Variants in ACSS1 observed in about 807,000 individuals in gnomAD.
ACSS1 encodes acetyl-coenzyme A synthetase 2-like, mitochondrial.
In ACSS1, 42 loss-of-function variants were observed where a neutral mutation model predicts 75.3. That is an observed-to-expected ratio of 0.56 (90% CI 0.44 to 0.72). ACSS1 has a LOEUF of 0.72. ACSS1 is among the 30% of genes least tolerant of loss of function. The pLI is 0.00. For synonymous variants in ACSS1, 380 were observed against 376.8 expected (o/e 1.01, Z -0.10); for missense variants, 782 against 935.7 (o/e 0.84, Z 2.14).
chr20:25,032,414 T>C, intron 2 of ACSS1: 1 of 1,403,728 alleles, frequency 7.1e-7, no homozygotes, highest in Non-Finnish European at 9.3e-7. Flanking sequence ...ATCCCAAGGT[T>C]GTCTTTCCTT....
In ACSS1 at chr20:25,009,358, C is replaced by A; in HGVS notation, c.1802G>T (p.Ser601Ile). The A allele has an allele frequency of 6.2e-7, 1 of 1,614,176 alleles. No individual in the cohort carries two copies. Among genetic ancestry groups the A allele is most frequent in the Non-Finnish European group, 8.5e-7 (1 of 1,180,030 alleles). The change falls in exon 13 of 14, where the codon AGT becomes ATT. Residue 601 changes from serine to isoleucine, a missense_variant. Physicochemically the swap from Ser to Ile is moderately radical, Grantham distance 142 (BLOSUM62 -2). Transcript: ENST00000323482. ...AAFAFIVVKD[S>I]AGDSDVVVQE... is the part of the protein sequence containing the mutation. ...CACCACCACATCTGAGTCACCCGCA[C>A]TATCTTTCACCACAATGAAGGCAAA...
intron 3 of ACSS1, among the ~76,000 whole-genome samples, chr20:25,024,924 T>A (rs1387941695): frequency 6.6e-6 from 1 of 152,144 alleles, no homozygotes; most frequent in Non-Finnish European, 1.5e-5. Flanking sequence ...GAGCCGTGGC[T>A]ACACACACTC....
chr20:25,019,477 A>C (rs2088578297), intron 7 of ACSS1, among the ~76,000 whole-genome samples: 1 of 152,230 alleles, frequency 6.6e-6, no homozygotes, highest in Non-Finnish European at 1.5e-5. Context: ...GACAATCAAA[A>C]GGTCCAACTA....
chr20:25,034,860 C>A (rs1212598002), intron 2 of ACSS1, among the ~76,000 whole-genome samples: 1 of 151,726 alleles, frequency 6.6e-6, no homozygotes, highest in African/African-American at 2.4e-5. Flanking sequence ...GAGCTATCAC[C>A]ACGCCAGGCC....
chr20:25,046,409 G>A (rs900564732), intron 2 of ACSS1: 7 of 210,984 alleles, frequency 3.3e-5, no homozygotes, highest in Middle Eastern at 1.7e-3. Context: ...CTCACAGACC[G>A]AACCGCTACT....
intron 13 of ACSS1, among the ~76,000 whole-genome samples, chr20:25,008,981 G>C (rs183150437): frequency 1.9e-4 from 29 of 152,256 alleles, no homozygotes; most frequent in African/African-American, 6.5e-4. Context: ...AGACATGTGA[G>C]CTTACTGAGC....
intron 2 of ACSS1, among the ~76,000 whole-genome samples, chr20:25,045,409 G>A (rs968743853): frequency 2.0e-5 from 3 of 152,202 alleles, no homozygotes; most frequent in African/African-American, 4.8e-5. Flanking sequence ...CTGACCCAGC[G>A]TCACCTGTGC....
intron 2 of ACSS1, among the ~76,000 whole-genome samples, chr20:25,043,868 G>A (rs2089043767): frequency 6.6e-6 from 1 of 152,216 alleles, no homozygotes; most frequent in South Asian, 2.1e-4. Flanking sequence ...AGAGGGATGG[G>A]TCCAAGGCCA....
intron 1 of ACSS1, among the ~76,000 whole-genome samples, chr20:25,054,538 T>C (rs959744964): frequency 2.0e-5 from 3 of 152,248 alleles, no homozygotes; most frequent in Admixed American, 6.5e-5. Context: ...GGAAGATGCC[T>C]GATAACATCT....
chr20:25,021,488 T>C lies in ACSS1; in HGVS notation c.1009A>G (p.Ile337Val), dbSNP rs1429640789. 3 of 1,614,092 alleles carry C rather than the reference T, an allele frequency of 1.9e-6. No homozygotes were observed. Among genetic ancestry groups the C allele is most frequent in the Non-Finnish European group, 2.5e-6 (3 of 1,180,034 alleles). ...TAGCTGTGTCCTGTAATCCAACCGA[T>C]GTCGGCCACACAGCCAAAGATGTCA... ...PGDIFGCVADIGWITGHSYVV... is the reference protein window; with the variant it reads ...PGDIFGCVADVGWITGHSYVV... The change falls in exon 6 of 14, where the codon ATC (isoleucine) becomes GTC (valine). Residue 337 changes from isoleucine (I) to valine (V), a missense_variant. This residue lies in a region of ACSS1 where 405 missense variants were observed against 552.6 expected (regional missense o/e 0.73). Coordinates refer to ENST00000323482, the MANE Select transcript of ACSS1 (RefSeq NM_032501.4).
At chr20:25,037,595 G>A (rs1328205032) in intron 2 of ACSS1, among the ~76,000 whole-genome samples, 1 of 152,210 alleles carries the variant, frequency 6.6e-6, no homozygotes, top group Non-Finnish European at 1.5e-5. Context: ...CCAACTCCAT[G>A]GTCTAGATCC....
At chr20:25,039,656 G>T (rs532418661) in intron 2 of ACSS1, among the ~76,000 whole-genome samples, 8 of 152,208 alleles carry the variant, frequency 5.3e-5, no homozygotes, top group Non-Finnish European at 1.2e-4. Flanking sequence ...GCACAGGCAG[G>T]TCAAATCCCA....
At chr20:25,016,246 C>A (rs1457871935) in intron 7 of ACSS1, among the ~76,000 whole-genome samples, 1 of 152,164 alleles carries the variant, frequency 6.6e-6, no homozygotes, top group Non-Finnish European at 1.5e-5. Flanking sequence ...GCAGGCCACA[C>A]TGTGGTCATG....
At chr20:25,039,645 G>A (rs2088970698) in intron 2 of ACSS1, among the ~76,000 whole-genome samples, 1 of 152,182 alleles carries the variant, frequency 6.6e-6, no homozygotes, top group African/African-American at 2.4e-5. Flanking sequence ...TGCCTCCCCA[G>A]GCACAGGCAG....
chr20:25,056,008 G>A (rs1216250615), intron 1 of ACSS1, among the ~76,000 whole-genome samples: 3 of 152,152 alleles, frequency 2.0e-5, no homozygotes, highest in African/African-American at 4.8e-5. Context: ...TTTCAAGTTA[G>A]TTTTCTGAAG....
rs575739009 is a variant in ACSS1, at chr20:25,021,614, C to T, written c.961-78G>A. On this transcript the variant is annotated intron_variant, in intron 5 of 13. Coordinates refer to ENST00000323482, the MANE Select transcript of ACSS1 (RefSeq NM_032501.4). ...TCACACCAGGTCACTAGGAAATAGG[C>T]ATGCATAGGCTGCAGTCCATAGCTG... 3.2e-6 allele frequency: 5 copies of T among 1,550,858 alleles called. No homozygotes were observed. In the Admixed American group the frequency reaches 5.5e-5, roughly 17 times the overall value.
At chr20:25,012,757 C>T in intron 11 of ACSS1, 55 bp downstream of exon 11, 1 of 1,613,166 alleles carries the variant, frequency 6.2e-7, no homozygotes, top group African/African-American at 1.3e-5. Flanking sequence ...CTTGCAGGTC[C>T]ACAGGGGCAT....
chr20:25,046,926 A>T (rs2089102230), intron 2 of ACSS1: 1 of 779,362 alleles, frequency 1.3e-6, no homozygotes, highest in East Asian at 2.4e-5. Context: ...GGTGGGGGAG[A>T]CGGGTCAGCA....
intron 12 of ACSS1, chr20:25,011,055 A>G (rs2088399117): frequency 6.6e-6 from 1 of 152,236 alleles, no homozygotes; most frequent in Admixed American, 6.5e-5. Context: ...AATGCACATC[A>G]TCATACACAT....
Sources: gnomAD v4.1 joint callset for allele counts (sites outside exome capture counted in the v4.1 genomes callset) on GRCh38, gnomAD v4.1.1 for gene constraint, gnomAD v4.1.1 regional missense constraint, MANE v1.5 for transcripts, NCBI Gene and HGNC (gene_info 2026-07-23, HGNC 2026-07-21) for gene names.